The following NCALD variants were observed in gnomAD, a reference collection of about 807,000 sequenced individuals.
The protein encoded by NCALD is neurocalcin-delta.
A neutral mutation model predicts 18.6 loss-of-function variants in NCALD; 10 were observed. The observed-to-expected ratio is 0.54, with a 90% CI of 0.33 to 0.91. The LOEUF (loss-of-function observed/expected upper bound fraction) is 0.91. Among genes scored for constraint, NCALD ranks in the 40% least tolerant of loss-of-function variants. The probability of loss-of-function intolerance (pLI) is 0.03; values close to 1 mark genes in which losing one functional copy is unlikely to be tolerated. For missense variants in NCALD, 184 were observed against 247.6 expected (o/e 0.74, Z 1.72); for synonymous variants, 88 against 87.4 (o/e 1.01, Z -0.04).
intron 2 of NCALD, among the ~76,000 whole-genome samples, chr8:101,976,691 C>A (rs1199388638): frequency 6.6e-6 from 1 of 152,172 alleles, no homozygotes; most frequent in African/African-American, 2.4e-5. Context: ...TAAACATTAT[C>A]TATTATTCAA....
intron 4 of NCALD, among the ~76,000 whole-genome samples, chr8:101,868,253 A>T (rs1181404709): frequency 2.6e-5 from 4 of 152,022 alleles, no homozygotes; most frequent in Non-Finnish European, 5.9e-5. Flanking sequence ...GCTCCTCCTC[A>T]TGCATCAAGG....
intron 3 of NCALD, among the ~76,000 whole-genome samples, chr8:101,914,362 T>C (rs1045300250): frequency 1.3e-5 from 2 of 152,196 alleles, no homozygotes; most frequent in Non-Finnish European, 2.9e-5. Flanking sequence ...ATGTCAAGGG[T>C]ACCTACTACC....
chr8:101,950,210 T>G (rs1319670384), intron 2 of NCALD: 1 of 152,184 alleles, frequency 6.6e-6, no homozygotes, highest in Non-Finnish European at 1.5e-5. Flanking sequence ...GTAATGAAAT[T>G]TTGGAAGCTG....
intron 1 of NCALD, among the ~76,000 whole-genome samples, chr8:102,092,472 C>G (rs1478942033): frequency 6.6e-6 from 1 of 152,176 alleles, no homozygotes. Context: ...TGGATCAGGA[C>G]CCCTTTCTGG....
intron 1 of NCALD, among the ~76,000 whole-genome samples, chr8:101,759,049 T>C (rs1586423057): frequency 1.3e-5 from 2 of 152,186 alleles, no homozygotes; most frequent in East Asian, 3.8e-4. Context: ...TATAGGAACC[T>C]GGCATTGTGA....
intron 2 of NCALD, among the ~76,000 whole-genome samples, chr8:102,003,154 G>C (rs1406610372): frequency 6.6e-6 from 1 of 152,098 alleles, no homozygotes; most frequent in Non-Finnish European, 1.5e-5. Flanking sequence ...AAGAAGACAA[G>C]AGAGAAGAAT....
At chr8:101,948,337 A>G (rs1208479153) in intron 2 of NCALD, among the ~76,000 whole-genome samples, 2 of 152,220 alleles carry the variant, frequency 1.3e-5, no homozygotes, top group Non-Finnish European at 2.9e-5. Flanking sequence ...AGACCCAAGG[A>G]TGATCTCAGG....
chr8:102,078,269 C>CCACCCTAATCCCAGCTGCCAT lies in NCALD; in HGVS notation c.-210+45947_-210+45967dup, dbSNP rs1025481719. On this transcript the variant is annotated intron_variant, in intron 1 of 6. Coordinates refer to the NCALD transcript ENST00000311028. ...CCCCTTCTCGCCAGCTCCACTGCCA[C>CCACCCTAATCCCAGCTGCCAT]CACCCTAATCCCAGCTGCCATCACC... Among the ~76,000 whole-genome samples the CCACCCTAATCCCAGCTGCCAT allele has an allele frequency of 3.9e-5, 6 of 152,282 alleles. 1 individual carries two copies. Among genetic ancestry groups the CCACCCTAATCCCAGCTGCCAT allele is most frequent in the Admixed American group, 1.3e-4 (2 of 15,298 alleles).
intron 1 of NCALD, among the ~76,000 whole-genome samples, chr8:102,081,576 A>ACAAAACCC (rs1563600880): frequency 4.7e-5 from 3 of 63,432 alleles, no homozygotes; most frequent in African/African-American, 3.8e-4. Context: ...AAAAAAAAAA[A>ACAAAACCC]CCCCAAAAAA....
intron 1 of NCALD, among the ~76,000 whole-genome samples, chr8:101,739,010 C>A (rs1009257390): frequency 6.6e-6 from 1 of 152,092 alleles, no homozygotes; most frequent in Non-Finnish European, 1.5e-5. Context: ...ATTTAGGGTA[C>A]ACGTGCTGTT....
intron 1 of NCALD, among the ~76,000 whole-genome samples, chr8:101,764,948 TAG>T (rs1450352127): frequency 2.6e-5 from 4 of 152,324 alleles, no homozygotes; most frequent in Admixed American, 2.6e-4. Context: ...GCTCCCATGA[TAG>T]AGTCTGCTAA....
intron 2 of NCALD, among the ~76,000 whole-genome samples, chr8:101,918,165 AGG>A (rs1818036346): frequency 6.6e-6 from 1 of 152,214 alleles, no homozygotes; most frequent in Non-Finnish European, 1.5e-5. Context: ...CTAAGGTGTA[AGG>A]TTCATTCAAC....
intron 2 of NCALD, among the ~76,000 whole-genome samples, chr8:101,999,961 C>T (rs1019021197): frequency 9.9e-5 from 15 of 152,238 alleles, no homozygotes; most frequent in Admixed American, 6.5e-4. Flanking sequence ...GCATGAGCGA[C>T]GCAGAAGACG....
At chr8:102,014,953 G>C (rs1362226758) in intron 2 of NCALD, among the ~76,000 whole-genome samples, 1 of 152,056 alleles carries the variant, frequency 6.6e-6, no homozygotes, top group Admixed American at 6.6e-5. Flanking sequence ...GATCTCAGTG[G>C]GTGCAGATGC....
chr8:101,694,390 T>C (rs7825269), intron 2 of NCALD: 69,347 of 152,010 alleles, frequency 0.46, 17,196 homozygotes, highest in African/African-American at 0.64. Context: ...GTTCCTAACA[T>C]GTTCTGGATA....
intron 1 of NCALD, among the ~76,000 whole-genome samples, chr8:102,063,365 A>C (rs900031662): frequency 1.3e-5 from 2 of 151,978 alleles, no homozygotes; most frequent in African/African-American, 4.8e-5. Flanking sequence ...AATTAAGCCT[A>C]TTTTTTCTCA....
At chr8:101,780,749 A>T (rs1040203692) in intron 1 of NCALD, among the ~76,000 whole-genome samples, 1 of 152,200 alleles carries the variant, frequency 6.6e-6, no homozygotes, top group Non-Finnish European at 1.5e-5. Context: ...ACAACAAAAA[A>T]AGTCCCTGTT....
At chr8:101,770,846 AT>A (rs1423891115) in intron 1 of NCALD, among the ~76,000 whole-genome samples, 2 of 152,194 alleles carry the variant, frequency 1.3e-5, no homozygotes, top group Non-Finnish European at 2.9e-5. Flanking sequence ...ATATAAATAC[AT>A]TTTTTAAAAA....
At chr8:101,698,744 T>C (rs1815119593) in intron 2 of NCALD, among the ~76,000 whole-genome samples, 2 of 152,136 alleles carry the variant, frequency 1.3e-5, no homozygotes, top group Admixed American at 1.3e-4. Context: ...AAACTGAAAC[T>C]GCACCCCTTC....
Sources: allele counts gnomAD v4.1 joint callset (sites outside exome capture counted in the v4.1 genomes callset), GRCh38; gene constraint gnomAD v4.1.1; transcripts MANE v1.5; gene names NCBI Gene and HGNC (gene_info 2026-07-23, HGNC 2026-07-21).